The following HUWE1 variants were observed in gnomAD, a reference collection of about 807,000 sequenced individuals.
The protein encoded by HUWE1 is HECT, UBA and WWE domain containing E3 ubiquitin protein ligase 1.
Under a neutral mutation model 299.4 loss-of-function variants are expected in HUWE1, and 18 were observed. The observed-to-expected ratio is 0.06, with a 90% CI of 0.04 to 0.09. HUWE1 has a LOEUF of 0.09. Ranked by LOEUF, HUWE1 falls within the 10% of genes least tolerant of loss-of-function variation. HUWE1 has a pLI of 1.00. For synonymous variants in HUWE1, 1,317 were observed against 1,286.1 expected, an observed-to-expected ratio of 1.02 and a Z score of -0.51; for missense variants, 1,832 against 3,462.3, an observed-to-expected ratio of 0.53 and a Z score of 11.82.
intron 80 of HUWE1, 90 bp downstream of exon 80, chrX:53,536,057 G>A (rs1433358876): frequency 3.6e-6 from 2 of 555,005 alleles, no homozygotes; most frequent in Non-Finnish European, 6.3e-6. Context: ...AGAACTATGA[G>A]AAGGTCACGC....
intron 53 of HUWE1, 80 bp downstream of exon 53, chrX:53,562,751 G>T: frequency 1.3e-6 from 1 of 752,310 alleles, no homozygotes; most frequent in Non-Finnish European, 2.1e-6. Context: ...GTGGGCAGCT[G>T]CCTCCAGGAA....
At chrX:53,555,457 C>G (rs2061959335) in intron 60 of HUWE1, among the ~76,000 whole-genome samples, 1 of 109,273 alleles carries the variant, frequency 9.2e-6, no homozygotes, top group Non-Finnish European at 1.9e-5. Context: ...TCCCAAGTAG[C>G]TGAGACTATA....
chrX:53,619,374 A>T (rs2065986349), intron 19 of HUWE1, among the ~76,000 whole-genome samples: 1 of 111,089 alleles, frequency 9.0e-6, no homozygotes, highest in Non-Finnish European at 1.9e-5. Context: ...TTCTACAAGC[A>T]ATTACTAAGA....
chrX:53,534,484 C>A, intron 82 of HUWE1, 32 bp downstream of exon 82: 1 of 1,166,864 alleles, frequency 8.6e-7, no homozygotes, highest in South Asian at 1.9e-5. Context: ...GGTAAGAGGA[C>A]CATATGAGGA....
chrX:53,629,387 G>T, intron 13 of HUWE1, 129 bp downstream of exon 13: 1 of 506,328 alleles, frequency 2.0e-6, no homozygotes, highest in Admixed American at 2.9e-5. Context: ...TTAAACTTGG[G>T]TCCCATGCCC....
chrX:53,676,035 T>C (rs782740467), intron 3 of HUWE1, among the ~76,000 whole-genome samples: 37 of 110,853 alleles, frequency 3.3e-4, no homozygotes, highest in African/African-American at 1.1e-3. Flanking sequence ...CTGGCCAAAG[T>C]CTCAGACCCA....
intron 19 of HUWE1, among the ~76,000 whole-genome samples, chrX:53,619,540 A>G (rs1328440621): frequency 9.4e-6 from 1 of 106,505 alleles, no homozygotes; most frequent in Admixed American, 1.0e-4. Context: ...AATGGAAAAA[A>G]GGTAATTAGG....
intron 59 of HUWE1, 43 bp from the exon 60 acceptor site, chrX:53,557,470 C>T (rs782524177): frequency 9.3e-7 from 1 of 1,080,348 alleles, no homozygotes; most frequent in South Asian, 1.8e-5. Context: ...TTTGCAAGCA[C>T]CTAAGATAGA....
chrX:53,618,640 C>A (rs2065940500), intron 19 of HUWE1, among the ~76,000 whole-genome samples: 1 of 106,807 alleles, frequency 9.4e-6, no homozygotes, highest in African/African-American at 3.4e-5. Flanking sequence ...TCTCGGCTCA[C>A]TGCAGCCTCC....
Position 53,573,815 on chromosome X carries a change from C to T in HUWE1, c.6247G>A (p.Val2083Ile). The change falls in exon 47 of 84, where the codon GTT becomes ATT. Residue 2083 changes from valine (V) to isoleucine (I), a missense_variant. Transcript: ENST00000262854. ...TTGGCAATCAGGGTAGCAATACCAA[C>T]ATAGGACCTCACCAACTCTGCCAGA... Reference protein sequence around the residue: ...RLLAELVRSYVGIATLIANYS... With the variant: ...RLLAELVRSYIGIATLIANYS... 2 of 1,211,372 alleles carry T rather than the reference C, an allele frequency of 1.7e-6. No individual in the cohort carries two copies. Among genetic ancestry groups the T allele is most frequent in the Non-Finnish European group, 2.2e-6 (2 of 894,886 alleles).
intron 23 of HUWE1, among the ~76,000 whole-genome samples, chrX:53,611,869 A>AC (rs1404472571): frequency 9.1e-6 from 1 of 110,024 alleles, no homozygotes; most frequent in Non-Finnish European, 1.9e-5. Flanking sequence ...AAAAAAAAAA[A>AC]ATAAATAAAT....
chrX:53,588,425 G>C lies in HUWE1; in HGVS notation c.4571C>G (p.Ser1524Cys). 8.3e-7 allele frequency: 1 copy of C among 1,209,940 alleles called. No homozygotes were observed. The highest frequency in any genetic ancestry group is 1.1e-6 in the Non-Finnish European group (1 of 894,606). Residue 1524 changes from serine to cysteine, a missense_variant, in exon 37 of 84, where the codon TCC becomes TGC. By Grantham distance (112) the Ser-to-Cys change is moderately radical. This residue lies in a region of HUWE1 where 658 missense variants were observed against 1,282.6 expected (regional missense o/e 0.51). Transcript: ENST00000262854. ...ISQMATLPQA[S>C]NLATRILLLT... ...AAGCAAGATTCTAGTAGCCAAATTG[G>C]AGGCCTGGGGCAGTGTGGCCATCTG...
chrX:53,535,537 C>G, intron 80 of HUWE1, 36 bp from the exon 81 acceptor site: 1 of 937,075 alleles, frequency 1.1e-6, no homozygotes, highest in Non-Finnish European at 1.5e-6. Flanking sequence ...ACATATCAGA[C>G]TTCATCTAGG....
rs1556977746 is a variant in HUWE1, at chrX:53,590,420, C to T, written c.4175G>A (p.Arg1392Lys). 2 of 1,200,839 alleles carry T rather than the reference C, an allele frequency of 1.7e-6. No homozygotes were observed. Residue 1392 changes from arginine (R) to lysine (K), a missense_variant, in exon 35 of 84, where the codon AGG becomes AAG. Arg to Lys is a conservative substitution (Grantham distance 26). Around this residue, in one of 15 missense-constraint regions of HUWE1, gnomAD observed 658 missense variants for 1,282.6 expected, o/e 0.51. Coordinates refer to ENST00000262854, the MANE Select transcript of HUWE1 (RefSeq NM_031407.7). ...SLGQDIPMDQRAESPEEVACR... is the reference protein window; with the variant it reads ...SLGQDIPMDQKAESPEEVACR... ...CATAGTTACCTCAGGTGACTCTGCC[C>T]TTTGATCCATTGGAATATCCTGTCC...
chrX:53,658,899 G>A (rs1237938527), intron 3 of HUWE1, among the ~76,000 whole-genome samples: 1 of 112,616 alleles, frequency 8.9e-6, no homozygotes, highest in Non-Finnish European at 1.9e-5. Context: ...ATGGGCCAAT[G>A]GGCCAAAGAC....
At chrX:53,665,467 G>C (rs1286756967) in intron 3 of HUWE1, among the ~76,000 whole-genome samples, 2 of 111,932 alleles carry the variant, frequency 1.8e-5, no homozygotes, top group East Asian at 5.6e-4. Flanking sequence ...TACTAAGAAA[G>C]AGGAATCTGA....
chrX:53,552,087 G>A (rs930945432), intron 63 of HUWE1, among the ~76,000 whole-genome samples: 1 of 111,896 alleles, frequency 8.9e-6, no homozygotes, highest in Non-Finnish European at 1.9e-5. Flanking sequence ...GGTTGTAAAA[G>A]GTAGAAGTGG....
chrX:53,559,763 G>A (rs1602649606), intron 56 of HUWE1, among the ~76,000 whole-genome samples: 1 of 111,971 alleles, frequency 8.9e-6, no homozygotes, highest in Non-Finnish European at 1.9e-5. Flanking sequence ...AAGCTCCCAC[G>A]TGCCAGGCAC....
rs182498023 is a variant in HUWE1 at position 53,534,221 on chromosome X, C to G, written c.12832-24G>C. 28 of 1,170,913 alleles carry G rather than the reference C, an allele frequency of 2.4e-5. No homozygotes were observed. In the African/African-American group the frequency reaches 4.1e-4, roughly 17 times the overall value. Reference sequence around the variant, plus strand: ...ATCTGTAGGAAGGGACCCATGAAGCCAGTGTTAGGTAGAAAGCTCCTAGAA... The same window carrying G: ...ATCTGTAGGAAGGGACCCATGAAGCGAGTGTTAGGTAGAAAGCTCCTAGAA... On this transcript the variant is annotated intron_variant, in intron 82 of 83. Transcript: ENST00000262854.
Sources: gnomAD v4.1 joint callset for allele counts (sites outside exome capture counted in the v4.1 genomes callset) on GRCh38, gnomAD v4.1.1 for gene constraint, gnomAD v4.1.1 regional missense constraint, MANE v1.5 for transcripts, NCBI Gene and HGNC (gene_info 2026-07-23, HGNC 2026-07-21) for gene names.